The following CIBAR1 variants were observed in gnomAD, a reference collection of about 807,000 sequenced individuals.
CIBAR1 encodes the protein CBY1-interacting BAR domain-containing protein 1.
A neutral mutation model predicts 44.0 loss-of-function variants in CIBAR1; 25 were observed. The ratio of observed to expected loss-of-function variants is 0.57; its 90% CI spans 0.41 to 0.79. The LOEUF (loss-of-function observed/expected upper bound fraction) is 0.79. CIBAR1 is among the 30% of genes least tolerant of loss of function. The pLI, the probability that CIBAR1 is intolerant of heterozygous loss-of-function variation, is 0.00. For missense variants in CIBAR1, 278 were observed against 344.8 expected, an observed-to-expected ratio of 0.81 and a Z score of 1.53; for synonymous variants, 115 against 119.0, an observed-to-expected ratio of 0.97 and a Z score of 0.22.
Position 93,729,001 on chromosome 8 carries a change from T to C in CIBAR1, c.*704T>C, listed in dbSNP as rs1811679688. The C allele has an allele frequency of 6.6e-6, 1 of 152,128 alleles. No individual in the cohort carries two copies. The highest frequency in any genetic ancestry group is 2.4e-5 in the African/African-American group (1 of 41,450). The allele number at this position is 152,128 out of a possible 1,614,324, so 9.4% of individuals were successfully genotyped here. On this transcript the variant is annotated 3_prime_UTR_variant, in exon 9 of 9. Coordinates refer to ENST00000518322, the MANE Select transcript of CIBAR1 (RefSeq NM_145269.5). ...CCTCATCATAGAACACCATAGATCA[T>C]TAAAAATTCTATAAAAATTTTACCA...
intron 1 of CIBAR1, 191 bp downstream of exon 1, chr8:93,700,864 G>C: frequency 7.6e-7 from 1 of 1,309,688 alleles, no homozygotes; most frequent in East Asian, 3.1e-5. Context: ...GGAGCCCGGG[G>C]CCCGGCCGGC....
At position 93,730,938 on chromosome 8, in the gene CIBAR1, A is replaced by T. The variant is rs1217864794; in HGVS notation, c.*2641A>T. 4.6e-5 allele frequency: 7 copies of T among 152,220 alleles called. No individual in the cohort carries two copies. The highest frequency in any genetic ancestry group is 1.3e-4 in the Admixed American group (2 of 15,282). The allele number at this position is 152,220 out of a possible 1,614,324, so 9.4% of individuals were successfully genotyped here. ...CATTCTGGGAGACCAAGGAGTGAGG[A>T]TTGCTTGAGGCCAGAAATTTGAGAA... On this transcript the variant is annotated 3_prime_UTR_variant, in exon 9 of 9. Coordinates refer to ENST00000518322, the MANE Select transcript of CIBAR1 (RefSeq NM_145269.5).
At chr8:93,723,020 G>T (rs901012411) in intron 7 of CIBAR1, among the ~76,000 whole-genome samples, 2 of 151,778 alleles carry the variant, frequency 1.3e-5, no homozygotes, top group Admixed American at 6.6e-5. Flanking sequence ...TTTTTGAGAC[G>T]GAGTCTCGCT....
rs1041286365 is a variant in CIBAR1 at position 93,718,858 on chromosome 8, G to T, written c.657+70G>T. The T allele has an allele frequency of 1.9e-5, 18 of 956,336 alleles. No individual in the cohort carries two copies. The African/African-American group carries it at 2.5e-4, about 13-fold the overall frequency. 59.2% of individuals were successfully genotyped at this position (956,336 alleles called of 1,614,324 possible). On this transcript the variant is annotated intron_variant, in intron 7 of 8. Transcript: ENST00000518322. ...AATATTTAAAAGAGAACATTAGTATGTGATTAATATCTTTTTTTTTTTTGA... is the reference window on the plus strand; with the variant it reads ...AATATTTAAAAGAGAACATTAGTATTTGATTAATATCTTTTTTTTTTTTGA...
intron 6 of CIBAR1, among the ~76,000 whole-genome samples, chr8:93,714,705 A>G (rs565063940): frequency 2.0e-5 from 3 of 151,848 alleles, no homozygotes; most frequent in Non-Finnish European, 2.9e-5. Context: ...GCTTGTCTCA[A>G]ACTCCTGGGC....
At chr8:93,711,289 T>C (rs991541317) in intron 6 of CIBAR1, among the ~76,000 whole-genome samples, 1 of 152,222 alleles carries the variant, frequency 6.6e-6, no homozygotes, top group African/African-American at 2.4e-5. Context: ...TTACTACTAT[T>C]GACAAATCTT....
chr8:93,718,780 G>C lies in CIBAR1; in HGVS notation c.649G>C (p.Asp217His), dbSNP rs758026049. 1 of 1,539,792 alleles carries C rather than the reference G, an allele frequency of 6.5e-7. No individual in the cohort carries two copies. Reference protein sequence around the residue: ...QNIQNIDEDEDLEVFRNSLYA... With the variant: ...QNIQNIDEDEHLEVFRNSLYA... ...TATACAAAACATTGATGAAGATGAA[G>C]ATTTAGAGGTAGGACTATGTCTATC... Residue 217 changes from aspartate to histidine, a missense_variant, in exon 7 of 9, where the codon GAT becomes CAT. Transcript: ENST00000518322.
Position 93,726,351 on chromosome 8 carries a change from T to C in CIBAR1, c.658-43T>C, listed in dbSNP as rs1332669894. ...GAACTTAATTTGACTGTCTTGATTT[T>C]GTTTAGCATCTACTTTATAATGCTA... On this transcript the variant is annotated intron_variant, in intron 7 of 8. Transcript: ENST00000518322. 6.6e-6 allele frequency: 10 copies of C among 1,510,300 alleles called. No individual in the cohort carries two copies. The South Asian group carries it at 1.1e-4, about 16-fold the overall frequency. The allele number at this position is 1,510,300 out of a possible 1,614,324, so 93.6% of individuals were successfully genotyped here.
chr8:93,724,863 G>A (rs1245348431), intron 7 of CIBAR1, among the ~76,000 whole-genome samples: 1 of 152,136 alleles, frequency 6.6e-6, no homozygotes, highest in South Asian at 2.1e-4. Flanking sequence ...AAGTTCTTCT[G>A]GACAGTGCTG....
At chr8:93,700,856 AGC>A (rs1276256408) in intron 1 of CIBAR1, 183 bp downstream of exon 1, 19 of 1,310,210 alleles carry the variant, frequency 1.5e-5, no homozygotes, top group Non-Finnish European at 1.7e-5. Context: ...GGCGAAGAGG[AGC>A]CCGGGGCCCG....
chr8:93,727,283 T>C, intron 8 of CIBAR1: 1 of 992,574 alleles, frequency 1.0e-6, no homozygotes, highest in Non-Finnish European at 1.4e-6. Flanking sequence ...CATTTGATTC[T>C]CCTGTAAGCA....
intron 8 of CIBAR1, chr8:93,727,353 G>A (rs539440230): frequency 1.1e-4 from 46 of 432,276 alleles, no homozygotes; most frequent in Middle Eastern, 7.1e-4. Context: ...TTTTTATTCC[G>A]GCATTAAGTG....
At chr8:93,714,127 C>G (rs956416091) in intron 6 of CIBAR1, among the ~76,000 whole-genome samples, 1 of 152,096 alleles carries the variant, frequency 6.6e-6, no homozygotes, top group Admixed American at 6.6e-5. Context: ...TTTTAATATT[C>G]TTTAATTTCT....
chr8:93,704,219 T>G (rs943960034), intron 3 of CIBAR1, among the ~76,000 whole-genome samples: 2 of 152,184 alleles, frequency 1.3e-5, no homozygotes, highest in Non-Finnish European at 2.9e-5. Context: ...TTAAAATAAT[T>G]ATGAAAAATA....
rs1488808507 is a variant in CIBAR1 at position 93,730,666 on chromosome 8, C to T, written c.*2369C>T. The T allele has an allele frequency of 6.6e-6, 1 of 152,022 alleles. No homozygotes were observed. The highest frequency in any genetic ancestry group is 1.5e-5 in the Non-Finnish European group (1 of 68,010). 9.4% of individuals were successfully genotyped at this position (152,022 alleles called of 1,614,324 possible). A position where few individuals can be genotyped will look rare whatever the true frequency, so the allele number is the denominator to read the frequency against. On this transcript the variant is annotated 3_prime_UTR_variant, in exon 9 of 9. Coordinates refer to ENST00000518322, the MANE Select transcript of CIBAR1 (RefSeq NM_145269.5). ...TTGATTTGCTGCATTTATCACTTTC[C>T]ATGGTGTAAAATACTCCTGCCATGG...
intron 8 of CIBAR1, chr8:93,726,791 A>C: frequency 2.6e-6 from 1 of 387,360 alleles, no homozygotes; most frequent in Non-Finnish European, 4.8e-6. Flanking sequence ...GTTATCTGCT[A>C]TAATATGAAG....
chr8:93,707,020 C>A (rs1388092365), intron 4 of CIBAR1, among the ~76,000 whole-genome samples: 2 of 152,110 alleles, frequency 1.3e-5, no homozygotes, highest in Non-Finnish European at 2.9e-5. Context: ...AAGTAGGGCT[C>A]CAGGTGACTC....
chr8:93,701,147 G>A (rs1266072883), intron 1 of CIBAR1, 77 bp from the exon 2 acceptor site: 1 of 1,535,076 alleles, frequency 6.5e-7, no homozygotes, highest in Non-Finnish European at 8.8e-7. Flanking sequence ...CCCGGGGAAT[G>A]TTTGCATGTT....
chr8:93,728,755 A>C lies in CIBAR1; in HGVS notation c.*458A>C, dbSNP rs949303742. ...AAAAACTTTTTTTAACTTTCCCTGAAACTTTATCATTTGATAAGTAAATTT... is the reference window on the plus strand; with the variant it reads ...AAAAACTTTTTTTAACTTTCCCTGACACTTTATCATTTGATAAGTAAATTT... On this transcript the variant is annotated 3_prime_UTR_variant, in exon 9 of 9. Coordinates refer to ENST00000518322, the MANE Select transcript of CIBAR1 (RefSeq NM_145269.5). 2 of 152,106 alleles carry C rather than the reference A, an allele frequency of 1.3e-5. No homozygotes were observed. The highest frequency in any genetic ancestry group is 4.8e-5 in the African/African-American group (2 of 41,432). 9.4% of individuals were successfully genotyped at this position (152,106 alleles called of 1,614,324 possible).
Sources: allele counts gnomAD v4.1 joint callset (sites outside exome capture counted in the v4.1 genomes callset), GRCh38; gene constraint gnomAD v4.1.1; transcripts MANE v1.5; gene names NCBI Gene and HGNC (gene_info 2026-07-23, HGNC 2026-07-21).